The following KAT2B variants were observed in gnomAD, a reference collection of about 807,000 sequenced individuals.
The protein encoded by KAT2B is histone acetyltransferase KAT2B.
KAT2B carries 36 observed loss-of-function variants against 105.9 expected under a neutral mutation model. The observed-to-expected ratio is 0.34, with a 90% CI of 0.26 to 0.45. The LOEUF (loss-of-function observed/expected upper bound fraction) is 0.45. Among genes scored for constraint, KAT2B ranks in the 20% least tolerant of loss-of-function variants. The pLI, the probability that KAT2B is intolerant of heterozygous loss-of-function variation, is 1.00. For missense variants in KAT2B, 820 were observed against 1,021.6 expected (o/e 0.80, Z 2.69); for synonymous variants, 397 against 377.9 (o/e 1.05, Z -0.59).
intron 13 of KAT2B, among the ~76,000 whole-genome samples, chr3:20,141,090 G>A (rs1479679109): frequency 6.6e-5 from 10 of 152,034 alleles, no homozygotes; most frequent in East Asian, 1.9e-4. Flanking sequence ...AAATCAAACC[G>A]TTTCAGGGTG....
chr3:20,124,938 C>T (rs1227364165), intron 9 of KAT2B, among the ~76,000 whole-genome samples: 3 of 152,212 alleles, frequency 2.0e-5, no homozygotes, highest in Non-Finnish European at 4.4e-5. Context: ...AGCATAAGTG[C>T]TGGCACATGG....
chr3:20,112,180 T>TTC (rs1553593379), intron 6 of KAT2B, among the ~76,000 whole-genome samples: 2 of 151,394 alleles, frequency 1.3e-5, no homozygotes, highest in East Asian at 1.9e-4. Context: ...TTTTTTTTTT[T>TTC]CCGTTCAATT....
At chr3:20,085,423 C>T (rs965197878) in intron 2 of KAT2B, among the ~76,000 whole-genome samples, 2 of 151,838 alleles carry the variant, frequency 1.3e-5, no homozygotes, top group African/African-American at 4.8e-5. Context: ...GATGAGGTAA[C>T]GTATTGTATA....
chr3:20,055,265 A>G (rs779827145), intron 1 of KAT2B, among the ~76,000 whole-genome samples: 7 of 152,200 alleles, frequency 4.6e-5, no homozygotes, highest in Non-Finnish European at 7.3e-5. Flanking sequence ...ATATATGTCA[A>G]CTTTTTCCGT....
At position 20,122,796 on chromosome 3, in the gene KAT2B, G is replaced by A. The variant is rs774743242; in HGVS notation, c.1405G>A (p.Gly469Arg). The change falls in exon 9 of 18, where the codon GGA (glycine) becomes AGA (arginine). Residue 469 changes from glycine to arginine, a missense_variant. By Grantham distance (125) the Gly-to-Arg change is moderately radical. This residue lies in a region of KAT2B where 225 missense variants were observed against 268.1 expected (regional missense o/e 0.84). Coordinates refer to ENST00000263754, the MANE Select transcript of KAT2B (RefSeq NM_003884.5). Reference sequence around the variant, plus strand: ...CATCACGGACCCTGCAGCAATGCTTGGACCAGAGGTCAGCAGGGTAAACCT... The same window carrying A: ...CATCACGGACCCTGCAGCAATGCTTAGACCAGAGGTCAGCAGGGTAAACCT... ...STITDPAAML[G>R]PETNFLSAHS... is the part of the protein sequence containing the mutation. 1.2e-6 allele frequency: 2 copies of A among 1,611,854 alleles called. No homozygotes were observed. Among genetic ancestry groups the A allele is most frequent in the Non-Finnish European group, 1.7e-6 (2 of 1,178,556 alleles).
chr3:20,046,638 G>A (rs1022689104), intron 1 of KAT2B, among the ~76,000 whole-genome samples: 1 of 152,140 alleles, frequency 6.6e-6, no homozygotes, highest in East Asian at 1.9e-4. Flanking sequence ...AGGTAGATGT[G>A]CCACCACAAA....
intron 1 of KAT2B, among the ~76,000 whole-genome samples, chr3:20,044,514 C>A (rs185861991): frequency 6.6e-6 from 1 of 152,260 alleles, no homozygotes; most frequent in East Asian, 1.9e-4. Context: ...GTCCACAAGG[C>A]CCTGCATGGC....
intron 13 of KAT2B, among the ~76,000 whole-genome samples, chr3:20,141,932 C>T (rs944690094): frequency 2.6e-5 from 4 of 152,110 alleles, no homozygotes; most frequent in Non-Finnish European, 4.4e-5. Context: ...GAAGAGCTGG[C>T]TTTCCTCATT....
At chr3:20,151,892 G>A (rs1345643386) in intron 17 of KAT2B, among the ~76,000 whole-genome samples, 1 of 152,152 alleles carries the variant, frequency 6.6e-6, no homozygotes, top group Non-Finnish European at 1.5e-5. Flanking sequence ...ACAACTGTGA[G>A]TTTAGTGAAA....
rs762789728 is a variant in KAT2B at position 20,140,374 on chromosome 3, T to C, written c.2004+10T>C. ...TAAAAAGCAGAAGGAGGTAAGCAGG[T>C]GGTTGACTCCCTTACCTTCTGTACA... is the stretch of plus-strand genomic sequence containing the variant. On this transcript the variant is annotated intron_variant, in intron 13 of 17. Coordinates refer to ENST00000263754, the MANE Select transcript of KAT2B (RefSeq NM_003884.5). The C allele has an allele frequency of 1.9e-6, 3 of 1,613,322 alleles. No homozygotes were observed. The South Asian group carries it at 3.3e-5, about 18-fold the overall frequency.
chr3:20,042,704 C>T (rs1697741173), intron 1 of KAT2B, among the ~76,000 whole-genome samples: 1 of 152,168 alleles, frequency 6.6e-6, no homozygotes, highest in South Asian at 2.1e-4. Flanking sequence ...CTTCCTGCTG[C>T]CTGCTGTAGC....
At chr3:20,131,278 G>A (rs570938636) in intron 11 of KAT2B, among the ~76,000 whole-genome samples, 2 of 152,092 alleles carry the variant, frequency 1.3e-5, no homozygotes, top group African/African-American at 2.4e-5. Flanking sequence ...GCCTCCCAAA[G>A]TGCTGGGATT....
chr3:20,119,772 C>T (rs573968973), intron 8 of KAT2B, 49 bp downstream of exon 8: 2 of 1,603,720 alleles, frequency 1.2e-6, no homozygotes, highest in South Asian at 1.1e-5. Flanking sequence ...GCTCCAGGAG[C>T]TCCATTACCT....
chr3:20,152,659 A>T lies in KAT2B; in HGVS notation c.*134A>T, dbSNP rs1699889727. On this transcript the variant is annotated 3_prime_UTR_variant, in exon 18 of 18. Transcript: ENST00000263754. ...TGTAATAATTAGCACTTTTGAAAAA[A>T]CAAAAAACCTCCTTTTAGCTTTTCA... The T allele has an allele frequency of 1.7e-6, 1 of 599,114 alleles. No homozygotes were observed. Among genetic ancestry groups the T allele is most frequent in the Admixed American group, 3.1e-5 (1 of 32,608 alleles). 37.1% of individuals were successfully genotyped at this position (599,114 alleles called of 1,614,324 possible). A position where few individuals can be genotyped will look rare whatever the true frequency, so the allele number is the denominator to read the frequency against.
chr3:20,047,278 A>T (rs1044366824), intron 1 of KAT2B, among the ~76,000 whole-genome samples: 1 of 152,070 alleles, frequency 6.6e-6, no homozygotes, highest in Non-Finnish European at 1.5e-5. Flanking sequence ...CGCCATGTTT[A>T]ACAGGCTGGT....
chr3:20,068,673 A>G (rs1358722225), intron 1 of KAT2B, among the ~76,000 whole-genome samples: 1 of 152,090 alleles, frequency 6.6e-6, no homozygotes, highest in Non-Finnish European at 1.5e-5. Flanking sequence ...TTCATAGTCA[A>G]TAGTACCTGG....
intron 5 of KAT2B, among the ~76,000 whole-genome samples, chr3:20,103,830 G>A (rs1698952532): frequency 6.6e-6 from 1 of 152,168 alleles, no homozygotes; most frequent in Non-Finnish European, 1.5e-5. Context: ...TGAGTGCTGG[G>A]TTTGAATGGT....
intron 1 of KAT2B, among the ~76,000 whole-genome samples, chr3:20,053,369 C>A (rs1392082173): frequency 6.6e-6 from 1 of 152,104 alleles, no homozygotes; most frequent in African/African-American, 2.4e-5. Context: ...GACCCCATCT[C>A]TATAAAAATA....
intron 1 of KAT2B, among the ~76,000 whole-genome samples, chr3:20,070,114 A>G (rs1197085075): frequency 6.6e-6 from 1 of 152,042 alleles, no homozygotes; most frequent in Non-Finnish European, 1.5e-5. Flanking sequence ...GGATGTAGCT[A>G]TGGGGATGCT....
Sources: allele counts gnomAD v4.1 joint callset (sites outside exome capture counted in the v4.1 genomes callset), GRCh38; gene constraint gnomAD v4.1.1; regional missense constraint gnomAD v4.1.1; transcripts MANE v1.5; gene names NCBI Gene and HGNC (gene_info 2026-07-23, HGNC 2026-07-21).